The following TOPBP1 variants were observed in gnomAD, a reference collection of about 807,000 sequenced individuals.
The protein encoded by TOPBP1 is DNA topoisomerase 2-binding protein 1.
TOPBP1 carries 28 observed loss-of-function variants against 167.7 expected under a neutral mutation model. That is an observed-to-expected ratio of 0.17 (90% CI 0.12 to 0.23). The LOEUF (loss-of-function observed/expected upper bound fraction) is 0.23. TOPBP1 is among the 10% of genes least tolerant of loss of function. TOPBP1 has a pLI of 1.00. For synonymous variants in TOPBP1, 598 were observed against 611.4 expected, an observed-to-expected ratio of 0.98 and a Z score of 0.32; for missense variants, 1,554 against 1,809.6, an observed-to-expected ratio of 0.86 and a Z score of 2.56.
chr3:133,659,283 A>T, intron 2 of TOPBP1, 133 bp from the exon 3 acceptor site: 1 of 860,770 alleles, frequency 1.2e-6, no homozygotes, highest in Non-Finnish European at 1.7e-6. Context: ...CCTCTGCAGA[A>T]GGCTCCCAAG....
At chr3:133,627,359 A>G (rs1935301713) in intron 16 of TOPBP1, among the ~76,000 whole-genome samples, 1 of 152,214 alleles carries the variant, frequency 6.6e-6, no homozygotes. Context: ...TAGGGCTACT[A>G]TGAGAATGAA....
chr3:133,611,139 T>C lies in TOPBP1; in HGVS notation c.4038A>G (p.Glu1346=), dbSNP rs757696685. Residue 1346 remains glutamate (E), a splice_region_variant and synonymous_variant, in exon 25 of 28, where the codon GAA becomes GAG. Coordinates refer to ENST00000260810, the MANE Select transcript of TOPBP1 (RefSeq NM_007027.4). ...ACRTAGHFVQ[E]EDYEWGSSSI... Reference sequence around the variant, plus strand: ...AACTACTTCCCCATTCATAGTCTTCTTCCTAGAGAATTTGTCCAACAAACC... The same window carrying C: ...AACTACTTCCCCATTCATAGTCTTCCTCCTAGAGAATTTGTCCAACAAACC... The C allele has an allele frequency of 1.2e-6, 2 of 1,609,542 alleles. No homozygotes were observed. Among genetic ancestry groups the C allele is most frequent in the South Asian group, 1.1e-5 (1 of 90,168 alleles).
intron 10 of TOPBP1, among the ~76,000 whole-genome samples, chr3:133,647,389 C>T (rs1236940305): frequency 1.3e-5 from 2 of 152,098 alleles, no homozygotes; most frequent in Non-Finnish European, 2.9e-5. Flanking sequence ...GGTAACAAAC[C>T]CCTACCCCAA....
intron 27 of TOPBP1, among the ~76,000 whole-genome samples, chr3:133,602,368 C>A (rs758580301): frequency 1.3e-5 from 2 of 152,236 alleles, no homozygotes; most frequent in Non-Finnish European, 2.9e-5. Flanking sequence ...GATCCCCAAT[C>A]AACCTGCACT....
Position 133,644,140 on chromosome 3 carries a change from T to G in TOPBP1, c.1728A>C (p.Lys576Asn), listed in dbSNP as rs1167846142. Residue 576 changes from lysine to asparagine, a missense_variant, in exon 11 of 28, where the codon AAA (lysine) becomes AAC (asparagine). By Grantham distance (94) the Lys-to-Asn change is moderately conservative. Transcript: ENST00000260810. The part of the protein sequence containing the change: ...ENESNIANII[K>N]ENAGKIMSLL... ...GGGACATGATTTTCCCAGCATTTTC[T>G]TTTATGATGTTTGCGATGTTAGATT... 6.2e-7 allele frequency: 1 copy of G among 1,613,978 alleles called. No individual in the cohort carries two copies. Among genetic ancestry groups the G allele is most frequent in the Admixed American group, 1.7e-5 (1 of 60,002 alleles).
Position 133,644,389 on chromosome 3 carries a change from T to C in TOPBP1, c.1505-26A>G, listed in dbSNP as rs942187658. ...CTGAAAGAGAAAAGTAAATGTTTTCTAACCAACAATTTACCTTATACAGTT... is the reference window on the plus strand; with the variant it reads ...CTGAAAGAGAAAAGTAAATGTTTTCCAACCAACAATTTACCTTATACAGTT... On this transcript the variant is annotated intron_variant, in intron 10 of 27. Transcript: ENST00000260810. 4.6e-6 allele frequency: 7 copies of C among 1,518,244 alleles called. No individual in the cohort carries two copies. In the African/African-American group the frequency reaches 7.0e-5, roughly 15 times the overall value. The allele number at this position is 1,518,244 out of a possible 1,614,324, so 94.0% of individuals were successfully genotyped here. A position where few individuals can be genotyped will look rare whatever the true frequency, so the allele number is the denominator to read the frequency against.
chr3:133,616,491 A>C (rs1368111213), intron 23 of TOPBP1, among the ~76,000 whole-genome samples: 1 of 152,162 alleles, frequency 6.6e-6, no homozygotes, highest in Non-Finnish European at 1.5e-5. Flanking sequence ...GATATTATTA[A>C]CCTTTCAAGT....
At position 133,620,168 on chromosome 3, in the gene TOPBP1, G is replaced by A; in HGVS notation, c.3358C>T (p.Leu1120=). ...ACAGGTACACACCTCAGTGCCTCTA[G>A]GACTCTACTTCGTCCACTGCGAGCA... ...RSARSGRSRV[L]EALRQSRQTV... is the part of the protein sequence containing the mutation. Residue 1120 remains leucine (L), a synonymous_variant, in exon 20 of 28, where the codon CTA becomes TTA. Coordinates refer to ENST00000260810, the MANE Select transcript of TOPBP1 (RefSeq NM_007027.4). 1.9e-6 allele frequency: 3 copies of A among 1,613,114 alleles called. No homozygotes were observed. The highest frequency in any genetic ancestry group is 2.2e-5 in the South Asian group (2 of 90,910).
intron 16 of TOPBP1, 85 bp downstream of exon 16, chr3:133,628,277 T>A: frequency 8.2e-7 from 1 of 1,221,906 alleles, no homozygotes. Context: ...AAAATAAATG[T>A]ATTCTTGTAG....
At chr3:133,615,462 G>GT (rs1179988823) in intron 23 of TOPBP1, among the ~76,000 whole-genome samples, 4 of 152,164 alleles carry the variant, frequency 2.6e-5, no homozygotes, top group African/African-American at 7.2e-5. Context: ...GGGAGACAGA[G>GT]CAAGACTCTG....
chr3:133,616,514 G>A (rs150220833), intron 23 of TOPBP1, among the ~76,000 whole-genome samples: 5 of 152,234 alleles, frequency 3.3e-5, no homozygotes, highest in African/African-American at 1.2e-4. Flanking sequence ...ATTAAAATGT[G>A]GTTTTATTTA....
Position 133,615,495 on chromosome 3 carries a change from C to A in TOPBP1, c.3871+1319G>T, listed in dbSNP as rs535901735. Among the ~76,000 whole-genome samples, 36 of 151,898 alleles carry A rather than the reference C, an allele frequency of 2.4e-4. No individual in the cohort carries two copies. In the South Asian group the frequency reaches 6.7e-3, roughly 28 times the overall value. On this transcript the variant is annotated intron_variant, in intron 23 of 27. Coordinates refer to ENST00000260810, the MANE Select transcript of TOPBP1 (RefSeq NM_007027.4). ...CTGTCTCAAAACAAAAACAAAAAAA[C>A]CCCACCAATATTTCTTAATGTTTTC... is the stretch of plus-strand genomic sequence containing the variant.
At chr3:133,634,734 C>A (rs1057261732) in intron 14 of TOPBP1, among the ~76,000 whole-genome samples, 3 of 151,986 alleles carry the variant, frequency 2.0e-5, no homozygotes, top group African/African-American at 7.3e-5. Flanking sequence ...GTAGAAGAAG[C>A]AAGGCCACAG....
intron 13 of TOPBP1, among the ~76,000 whole-genome samples, chr3:133,639,022 T>A (rs1228892268): frequency 6.6e-6 from 1 of 152,152 alleles, no homozygotes; most frequent in East Asian, 1.9e-4. Flanking sequence ...CCATCCTTGG[T>A]GAGTCAAGAA....
chr3:133,616,840 TC>T lies in TOPBP1; in HGVS notation c.3844del (p.Asp1282ThrfsTer5). ...TAGTTTCTCAATCAGATGACAATAGTCAATACGTTCTTGAGGATTCAGAGAT... is the reference window on the plus strand; with the variant it reads ...TAGTTTCTCAATCAGATGACAATAGTAATACGTTCTTGAGGATTCAGAGAT... Reference protein sequence around the residue: ...LSSLNPQERIDYCHLIEKLGG... With the variant: ...LSSLNPQERIXYCHLIEKLGG... On this transcript the variant is annotated frameshift_variant, in exon 23 of 28. Coordinates refer to ENST00000260810, the MANE Select transcript of TOPBP1 (RefSeq NM_007027.4). LOFTEE classifies it high-confidence loss of function. 1 of 1,543,308 alleles carries T rather than the reference TC, an allele frequency of 6.5e-7. No individual in the cohort carries two copies. The highest frequency in any genetic ancestry group is 1.2e-5 in the South Asian group (1 of 80,080).
chr3:133,626,973 G>A lies in TOPBP1; in HGVS notation c.2804+1389C>T, dbSNP rs149846159. On this transcript the variant is annotated intron_variant, in intron 16 of 27. Coordinates refer to ENST00000260810, the MANE Select transcript of TOPBP1 (RefSeq NM_007027.4). ...TGTCTGAAGACAGAAGACAGTATCC[G>A]ATGATCTCTTTGGGACAGTCTGGTC... Among the ~76,000 whole-genome samples, 381 of 152,266 alleles carry A rather than the reference G, an allele frequency of 2.5e-3. 1 individual carries two copies. Among genetic ancestry groups the A allele is most frequent in the African/African-American group, 8.7e-3 (360 of 41,550 alleles).
chr3:133,649,870 C>T lies in TOPBP1; in HGVS notation c.1163G>A (p.Arg388His), dbSNP rs753012097. 3.7e-6 allele frequency: 6 copies of T among 1,612,706 alleles called. No individual in the cohort carries two copies. The highest frequency in any genetic ancestry group is 3.3e-5 in the South Asian group (3 of 90,754). Residue 388 changes from arginine to histidine, a missense_variant, in exon 9 of 28, where the codon CGT (arginine) becomes CAT (histidine). Arg to His is a conservative substitution (Grantham distance 29). Transcript: ENST00000260810. ...TACATCTTCATTTAGCTGGTTAAAA[C>T]GAACTCCACCTCCACTGTTAATAAG... The part of the protein sequence containing the change: ...RRLINSGGGV[R>H]FNQLNEDVTH...
In TOPBP1 at chr3:133,624,052, A is replaced by G. The variant is rs1231157523; in HGVS notation, c.2928T>C (p.Asp976=). The part of the protein sequence containing the change: ...VHIVSEHWLL[D]CAQECKHLPE... Reference sequence around the variant, plus strand: ...TGGGGGGGAAAAAAGCACTGCTTACATCTAAAAGCCAGTGCTCGGAAACAA... The same window carrying G: ...TGGGGGGGAAAAAAGCACTGCTTACGTCTAAAAGCCAGTGCTCGGAAACAA... Residue 976 remains aspartate (D), a splice_region_variant and synonymous_variant, in exon 17 of 28, where the codon GAT becomes GAC. Transcript: ENST00000260810. 11 of 1,612,300 alleles carry G rather than the reference A, an allele frequency of 6.8e-6. No homozygotes were observed. The East Asian group carries it at 1.1e-4, about 16-fold the overall frequency.
chr3:133,652,828 A>G (rs973678364), intron 7 of TOPBP1, among the ~76,000 whole-genome samples, 199 bp from the exon 8 acceptor site: 3 of 152,242 alleles, frequency 2.0e-5, no homozygotes, highest in Non-Finnish European at 4.4e-5. Flanking sequence ...TATTTAAATG[A>G]AAATAGATTT....
Sources: gnomAD v4.1 joint callset for allele counts (sites outside exome capture counted in the v4.1 genomes callset) on GRCh38, gnomAD v4.1.1 for gene constraint, MANE v1.5 for transcripts, NCBI Gene and HGNC (gene_info 2026-07-23, HGNC 2026-07-21) for gene names.